COBL: variants seen among roughly 807,000 people sequenced by gnomAD.
The protein encoded by COBL is cordon-bleu WH2 repeat protein.
In COBL, 51 loss-of-function variants were observed where a neutral mutation model predicts 98.8. The ratio of observed to expected loss-of-function variants is 0.52; its 90% CI spans 0.41 to 0.65. The LOEUF is 0.65. Ranked by LOEUF, COBL falls within the 30% of genes least tolerant of loss-of-function variation. The pLI is 0.00. For synonymous variants in COBL, 634 were observed against 651.7 expected (o/e 0.97, Z 0.41); for missense variants, 1,617 against 1,617.5 (o/e 1.00, Z 0.01).
intron 5 of COBL, among the ~76,000 whole-genome samples, chr7:51,166,550 A>G (rs981543524): frequency 2.0e-5 from 3 of 152,110 alleles, no homozygotes; most frequent in Non-Finnish European, 4.4e-5. Context: ...TACCAATCCT[A>G]TTCAAACTAT....
At chr7:51,193,757 A>C (rs1057148361) in intron 2 of COBL, among the ~76,000 whole-genome samples, 168 bp from the exon 3 acceptor site, 2 of 152,240 alleles carry the variant, frequency 1.3e-5, no homozygotes, top group Non-Finnish European at 2.9e-5. Context: ...GTTGTAGAGC[A>C]ATATGTTAAC....
intron 5 of COBL, among the ~76,000 whole-genome samples, chr7:51,162,853 T>C (rs553869645): frequency 2.6e-5 from 4 of 152,350 alleles, no homozygotes. Context: ...AGAGATTCAC[T>C]ATGACTTGAA....
intron 1 of COBL, among the ~76,000 whole-genome samples, chr7:51,248,007 T>C (rs898157808): frequency 6.6e-6 from 1 of 151,924 alleles, no homozygotes; most frequent in African/African-American, 2.4e-5. Context: ...GGCATGGTGG[T>C]GCACGCCTAT....
chr7:51,110,484 T>C (rs923953550), intron 6 of COBL, among the ~76,000 whole-genome samples: 2 of 152,254 alleles, frequency 1.3e-5, no homozygotes, highest in African/African-American at 4.8e-5. Context: ...TGTGTATATA[T>C]ACCACATCTT....
At chr7:51,313,230 G>A (rs1269433324) in intron 1 of COBL, among the ~76,000 whole-genome samples, 1 of 149,794 alleles carries the variant, frequency 6.7e-6, no homozygotes, top group Non-Finnish European at 1.5e-5. Context: ...TTCCTATTAT[G>A]GTGTAGAGTT....
chr7:51,171,834 G>A (rs1204821228), intron 5 of COBL, among the ~76,000 whole-genome samples: 1 of 152,076 alleles, frequency 6.6e-6, no homozygotes, highest in Admixed American at 6.5e-5. Context: ...TTTACATGGG[G>A]ACTGACCTGG....
rs1787444965 is a variant in COBL at position 51,025,356 on chromosome 7, G to T, written c.3521C>A (p.Ser1174Tyr). 1 of 1,613,222 alleles carries T rather than the reference G, an allele frequency of 6.2e-7. No individual in the cohort carries two copies. The highest frequency in any genetic ancestry group is 1.3e-5 in the African/African-American group (1 of 74,914). Residue 1174 changes from serine to tyrosine, a missense_variant, in exon 12 of 13, where the codon TCT (serine) becomes TAT (tyrosine). Ser to Tyr is a moderately radical substitution (Grantham distance 144, BLOSUM62 -2). Around this residue, in one of 3 missense-constraint regions of COBL, gnomAD observed 1,304 missense variants for 1,282.0 expected, o/e 1.02. Coordinates refer to ENST00000265136, the MANE Select transcript of COBL (RefSeq NM_015198.5). ...CSLRKVASSA[S>Y]EELQSFRDAA... ...ATCTCGGAAGCTCTGGAGCTCCTCA[G>T]AAGCAGAGGATGCCACCTGGCAATG...
chr7:51,189,198 C>T (rs2129055679), intron 4 of COBL, among the ~76,000 whole-genome samples: 1 of 152,154 alleles, frequency 6.6e-6, no homozygotes, highest in South Asian at 2.1e-4. Flanking sequence ...ATCTTATACT[C>T]AACTGAGCCA....
chr7:51,165,345 A>G (rs1374606400), intron 5 of COBL, among the ~76,000 whole-genome samples: 1 of 152,082 alleles, frequency 6.6e-6, no homozygotes, highest in Non-Finnish European at 1.5e-5. Flanking sequence ...AGATTTCAAG[A>G]CCAAAACTGT....
intron 7 of COBL, chr7:51,065,247 A>C (rs1203354027): frequency 4.3e-6 from 3 of 703,426 alleles, no homozygotes; most frequent in East Asian, 5.4e-5. Context: ...TGCATTCACA[A>C]ATGCTTGAAA....
At chr7:51,262,877 A>C (rs1187684008) in intron 1 of COBL, among the ~76,000 whole-genome samples, 1 of 152,072 alleles carries the variant, frequency 6.6e-6, no homozygotes, top group Non-Finnish European at 1.5e-5. Flanking sequence ...CAGGGCCCAG[A>C]GGCATTGAGA....
At chr7:51,082,647 G>A (rs945985819) in intron 7 of COBL, among the ~76,000 whole-genome samples, 10 of 150,422 alleles carry the variant, frequency 6.6e-5, no homozygotes, top group African/African-American at 2.2e-4. Flanking sequence ...TACGAAGGAC[G>A]TCCTCCCAGC....
intron 5 of COBL, among the ~76,000 whole-genome samples, chr7:51,173,915 CAT>C (rs1346456859): frequency 1.3e-5 from 2 of 152,014 alleles, no homozygotes; most frequent in Non-Finnish European, 2.9e-5. Context: ...CATTCACACA[CAT>C]ATGACACATA....
chr7:51,151,884 C>T (rs767740182), intron 5 of COBL, among the ~76,000 whole-genome samples: 16 of 152,230 alleles, frequency 1.1e-4, no homozygotes, highest in East Asian at 5.8e-4. Context: ...AAGCCAGGGT[C>T]GCCCACCAGC....
chr7:51,271,930 G>A (rs928321839), intron 1 of COBL, among the ~76,000 whole-genome samples: 3 of 152,162 alleles, frequency 2.0e-5, no homozygotes, highest in Non-Finnish European at 4.4e-5. Flanking sequence ...TCGGGAGGCT[G>A]AGGCAGGAGA....
In COBL at chr7:51,028,383, C is replaced by G. The variant is rs1787795077; in HGVS notation, c.2713G>C (p.Ala905Pro). The G allele has an allele frequency of 6.2e-7, 1 of 1,614,272 alleles. No homozygotes were observed. The highest frequency in any genetic ancestry group is 8.5e-7 in the Non-Finnish European group (1 of 1,180,048). ...TCATCTTTCACAGTGACAGGTGGTG[C>G]AGCCAGCACTGGCGCCTTGCCTGCA... ...GYAGKAPVLA[A>P]PPVTVKDDRT... Residue 905 changes from alanine (A) to proline (P), a missense_variant, in exon 10 of 13, where the codon GCA (alanine) becomes CCA (proline). This residue lies in a region of COBL where 1,304 missense variants were observed against 1,282.0 expected (regional missense o/e 1.02). Coordinates refer to ENST00000265136, the MANE Select transcript of COBL (RefSeq NM_015198.5).
At chr7:51,172,403 G>A in intron 5 of COBL, 1 of 1,162,082 alleles carries the variant, frequency 8.6e-7, no homozygotes, top group Non-Finnish European at 1.1e-6. Flanking sequence ...GTCGCGCAAA[G>A]CAAGAAGTTC....
At chr7:51,248,221 C>T (rs1165794426) in intron 1 of COBL, among the ~76,000 whole-genome samples, 1 of 152,182 alleles carries the variant, frequency 6.6e-6, no homozygotes, top group Non-Finnish European at 1.5e-5. Context: ...TCCTACTGTG[C>T]ATCCGTGGTT....
At chr7:51,197,994 G>A (rs1790750967) in intron 2 of COBL, among the ~76,000 whole-genome samples, 1 of 152,046 alleles carries the variant, frequency 6.6e-6, no homozygotes, top group South Asian at 2.1e-4. Context: ...CTTTTAATTG[G>A]GGCATTTAGC....
Sources: allele counts gnomAD v4.1 joint callset (sites outside exome capture counted in the v4.1 genomes callset), GRCh38; gene constraint gnomAD v4.1.1; regional missense constraint gnomAD v4.1.1; transcripts MANE v1.5; gene names NCBI Gene and HGNC (gene_info 2026-07-23, HGNC 2026-07-21).